HS6ST3: variants seen among roughly 807,000 people sequenced by gnomAD.
HS6ST3 encodes the protein heparan-sulfate 6-O-sulfotransferase 3.
HS6ST3 carries 12 observed loss-of-function variants against 36.7 expected under a neutral mutation model. The ratio of observed to expected loss-of-function variants is 0.33; its 90% CI spans 0.21 to 0.53. The LOEUF (loss-of-function observed/expected upper bound fraction) is 0.53. HS6ST3 is among the 20% of genes least tolerant of loss of function. The pLI, the probability that HS6ST3 is intolerant of heterozygous loss-of-function variation, is 0.95. For synonymous variants in HS6ST3, 240 were observed against 257.5 expected (o/e 0.93, Z 0.65); for missense variants, 584 against 640.9 (o/e 0.91, Z 0.96).
chr13:96,144,293 G>T (rs1230385549), intron 1 of HS6ST3, among the ~76,000 whole-genome samples: 1 of 152,140 alleles, frequency 6.6e-6, no homozygotes, highest in African/African-American at 2.4e-5. Context: ...ATTATATTAA[G>T]ATTACTAAGT....
rs745756353 is a variant in HS6ST3 at position 96,833,205 on chromosome 13, G to A, written c.*7G>A. On this transcript the variant is annotated 3_prime_UTR_variant, in exon 2 of 2. Transcript: ENST00000376705. ...CCAGGTGGTGAGATGGTGACCTCCTGCCCTCTCCTCTCTCAGGAGGGGGAG... is the reference window on the plus strand; with the variant it reads ...CCAGGTGGTGAGATGGTGACCTCCTACCCTCTCCTCTCTCAGGAGGGGGAG... 1.8e-5 allele frequency: 28 copies of A among 1,525,838 alleles called. No homozygotes were observed. The highest frequency in any genetic ancestry group is 2.4e-5 in the Non-Finnish European group (28 of 1,144,970). The allele number at this position is 1,525,838 out of a possible 1,614,324, so 94.5% of individuals were successfully genotyped here.
intron 1 of HS6ST3, among the ~76,000 whole-genome samples, chr13:96,298,165 A>G (rs2054864263): frequency 6.6e-6 from 1 of 152,196 alleles, no homozygotes; most frequent in Non-Finnish European, 1.5e-5. Flanking sequence ...CTAGATTTAC[A>G]TACAGAGAGC....
At chr13:96,650,379 T>C (rs1594827272) in intron 1 of HS6ST3, among the ~76,000 whole-genome samples, 1 of 152,124 alleles carries the variant, frequency 6.6e-6, no homozygotes, top group Middle Eastern at 3.4e-3. Context: ...GAAAGGCAAT[T>C]CATCCTTGAC....
intron 1 of HS6ST3, among the ~76,000 whole-genome samples, chr13:96,138,611 T>C (rs1389639073): frequency 6.6e-6 from 1 of 152,040 alleles, no homozygotes; most frequent in Non-Finnish European, 1.5e-5. Flanking sequence ...AAAATTTTTC[T>C]CTCCTGTCCT....
At chr13:96,333,280 A>C (rs2055081944) in intron 1 of HS6ST3, among the ~76,000 whole-genome samples, 1 of 152,226 alleles carries the variant, frequency 6.6e-6, no homozygotes, top group African/African-American at 2.4e-5. Flanking sequence ...AATCAAAGCA[A>C]GGGGGACTCT....
chr13:96,739,812 T>C (rs1876389830), intron 1 of HS6ST3, among the ~76,000 whole-genome samples: 1 of 152,070 alleles, frequency 6.6e-6, no homozygotes, highest in African/African-American at 2.4e-5. Context: ...ACCCTTCAAT[T>C]ACTTCCTATA....
chr13:96,174,318 GATA>G (rs1315741620), intron 1 of HS6ST3, among the ~76,000 whole-genome samples: 1 of 151,978 alleles, frequency 6.6e-6, no homozygotes, highest in African/African-American at 2.4e-5. Flanking sequence ...TTCAACTTCA[GATA>G]ATATCTCTTG....
intron 1 of HS6ST3, among the ~76,000 whole-genome samples, chr13:96,567,818 G>A (rs2056287056): frequency 6.6e-6 from 1 of 152,162 alleles, no homozygotes; most frequent in Non-Finnish European, 1.5e-5. Context: ...CAGAACAAAT[G>A]AGCATTTCTT....
At chr13:96,645,241 CT>C in intron 1 of HS6ST3, among the ~76,000 whole-genome samples, 1 of 151,858 alleles carries the variant, frequency 6.6e-6, no homozygotes, top group East Asian at 1.9e-4. Flanking sequence ...TTCTTGGTGT[CT>C]TTTCTGTTTT....
chr13:96,469,726 T>C (rs2055831660), intron 1 of HS6ST3, among the ~76,000 whole-genome samples: 2 of 151,984 alleles, frequency 1.3e-5, no homozygotes, highest in Non-Finnish European at 2.9e-5. Context: ...GTGGTGGTGA[T>C]GGTGATGGTG....
intron 1 of HS6ST3, among the ~76,000 whole-genome samples, chr13:96,371,195 C>T (rs977270893): frequency 1.3e-5 from 2 of 152,108 alleles, no homozygotes; most frequent in Admixed American, 1.3e-4. Context: ...ATTGTGAACA[C>T]ATGACATTAT....
At chr13:96,732,260 G>A (rs1876174868) in intron 1 of HS6ST3, among the ~76,000 whole-genome samples, 1 of 151,962 alleles carries the variant, frequency 6.6e-6, no homozygotes, top group African/African-American at 2.4e-5. Context: ...TTATTTCCTT[G>A]CTATTGAGTT....
At chr13:96,729,762 G>A (rs965227686) in intron 1 of HS6ST3, among the ~76,000 whole-genome samples, 23 of 152,008 alleles carry the variant, frequency 1.5e-4, no homozygotes, top group South Asian at 4.1e-4. Flanking sequence ...AACCACGCCC[G>A]GCCCCAATAT....
At chr13:96,270,691 T>A (rs2054715430) in intron 1 of HS6ST3, among the ~76,000 whole-genome samples, 1 of 151,804 alleles carries the variant, frequency 6.6e-6, no homozygotes, top group Non-Finnish European at 1.5e-5. Flanking sequence ...CAAAATTGTC[T>A]GTTGAGTGAC....
At chr13:96,376,077 A>G (rs1450260633) in intron 1 of HS6ST3, among the ~76,000 whole-genome samples, 1 of 152,188 alleles carries the variant, frequency 6.6e-6, no homozygotes, top group Non-Finnish European at 1.5e-5. Context: ...AATGATCAAC[A>G]TAATCCAGGC....
intron 1 of HS6ST3, among the ~76,000 whole-genome samples, chr13:96,561,630 C>T (rs936389086): frequency 2.0e-5 from 3 of 152,036 alleles, no homozygotes; most frequent in African/African-American, 7.2e-5. Flanking sequence ...CACTGAGAAA[C>T]TATGCATCTG....
chr13:96,267,566 T>G (rs2139386481), intron 1 of HS6ST3, among the ~76,000 whole-genome samples: 1 of 150,590 alleles, frequency 6.6e-6, no homozygotes, highest in African/African-American at 2.5e-5. Flanking sequence ...TGTGTTAGTC[T>G]TTCCAAGGCA....
intron 1 of HS6ST3, among the ~76,000 whole-genome samples, chr13:96,772,401 T>C (rs1450548068): frequency 2.6e-5 from 4 of 152,214 alleles, no homozygotes; most frequent in South Asian, 2.1e-4. Flanking sequence ...AGCAAGGTTA[T>C]ATTGAGCAAA....
intron 1 of HS6ST3, among the ~76,000 whole-genome samples, chr13:96,411,874 G>C (rs2055509259): frequency 6.6e-6 from 1 of 152,144 alleles, no homozygotes; most frequent in Non-Finnish European, 1.5e-5. Flanking sequence ...AATCTATAAT[G>C]ACTTGTAGTT....
Sources: gnomAD v4.1 joint callset for allele counts (sites outside exome capture counted in the v4.1 genomes callset) on GRCh38, gnomAD v4.1.1 for gene constraint, MANE v1.5 for transcripts, NCBI Gene and HGNC (gene_info 2026-07-23, HGNC 2026-07-21) for gene names.